Variants in CEP192 observed in about 807,000 individuals in gnomAD.
CEP192 encodes the protein centrosomal protein of 192 kDa.
In CEP192, 151 loss-of-function variants were observed where a neutral mutation model predicts 271.8. The observed-to-expected ratio is 0.56, with a 90% CI of 0.49 to 0.64. CEP192 has a LOEUF of 0.64. Among genes scored for constraint, CEP192 ranks in the 30% least tolerant of loss-of-function variants. The pLI is 0.00. For synonymous variants in CEP192, 995 were observed against 1,076.5 expected, an observed-to-expected ratio of 0.92 and a Z score of 1.48; for missense variants, 2,910 against 3,020.5, an observed-to-expected ratio of 0.96 and a Z score of 0.86.
In CEP192 at chr18:13,071,201, A is replaced by G. The variant is rs906445460; in HGVS notation, c.5337A>G (p.Leu1779=). Residue 1779 remains leucine (L), a synonymous_variant, in exon 28 of 45, where the codon CTA becomes CTG. Coordinates refer to ENST00000506447, the MANE Select transcript of CEP192 (RefSeq NM_032142.4). The stretch of plus-strand genomic sequence containing the variant: ...TTCTGGCTTGGGGAGGAGTCCCTCT[A>G]GGTAGAACACAGTAAGTGTCAAAGA... ...KQFLAWGGVP[L]GRTQLQKLAL... is the part of the protein sequence containing the mutation. 9.3e-6 allele frequency: 15 copies of G among 1,613,458 alleles called. No individual in the cohort carries two copies. In the African/African-American group the frequency reaches 1.5e-4, roughly 16 times the overall value.
intron 8 of CEP192, among the ~76,000 whole-genome samples, chr18:13,018,862 T>G (rs1198148719): frequency 1.3e-5 from 2 of 152,194 alleles, no homozygotes; most frequent in Non-Finnish European, 2.9e-5. Flanking sequence ...ATCCAGACAT[T>G]GATAATTAAA....
chr18:13,099,053 G>A (rs867338062), intron 36 of CEP192, among the ~76,000 whole-genome samples: 35 of 152,134 alleles, frequency 2.3e-4, no homozygotes, highest in Admixed American at 9.8e-4. Flanking sequence ...GGCAGCGCGC[G>A]CCTGCAATCG....
intron 1 of CEP192, among the ~76,000 whole-genome samples, chr18:12,993,974 C>T (rs1398347501): frequency 6.6e-6 from 1 of 152,072 alleles, no homozygotes; most frequent in Non-Finnish European, 1.5e-5. Context: ...TAGACATTTC[C>T]CCAAGAAGCT....
chr18:13,109,158 G>A (rs539092669), intron 40 of CEP192, among the ~76,000 whole-genome samples: 15 of 152,270 alleles, frequency 9.9e-5, no homozygotes, highest in South Asian at 2.1e-4. Context: ...GTTGATCACC[G>A]GTGGATTGGA....
chr18:13,096,580 A>C (rs2039411180), intron 36 of CEP192, among the ~76,000 whole-genome samples: 1 of 152,162 alleles, frequency 6.6e-6, no homozygotes, highest in Admixed American at 6.5e-5. Flanking sequence ...CTGGTATGGA[A>C]GACTTCAGAG....
Position 13,092,546 on chromosome 18 carries a change from A to C in CEP192, c.6254+19A>C, listed in dbSNP as rs1242316132. On this transcript the variant is annotated intron_variant, in intron 34 of 44. Coordinates refer to ENST00000506447, the MANE Select transcript of CEP192 (RefSeq NM_032142.4). ...CTACAAGGTAAAATAAATGAACAGA[A>C]ATCTTTCACCAGATTTCAGGATGAT... 1 of 1,566,106 alleles carries C rather than the reference A, an allele frequency of 6.4e-7. No individual in the cohort carries two copies. The highest frequency in any genetic ancestry group is 1.2e-5 in the South Asian group (1 of 83,510).
At chr18:13,065,022 TTTAA>T (rs2037617458) in intron 21 of CEP192, among the ~76,000 whole-genome samples, 1 of 152,174 alleles carries the variant, frequency 6.6e-6, no homozygotes, top group Admixed American at 6.5e-5. Context: ...TTCCTGGGTA[TTTAA>T]TTCTATGTGT....
chr18:13,039,455 CAA>C (rs61448797), intron 13 of CEP192, among the ~76,000 whole-genome samples: 5,048 of 134,072 alleles, frequency 0.038, 124 homozygotes, highest in African/African-American at 0.067. Flanking sequence ...GACTCCATCT[CAA>C]AAAAAAAAAA....
At position 13,090,686 on chromosome 18, in the gene CEP192, G is replaced by A. The variant is rs140211082; in HGVS notation, c.6103+1121G>A. On this transcript the variant is annotated intron_variant, in intron 33 of 44. Coordinates refer to ENST00000506447, the MANE Select transcript of CEP192 (RefSeq NM_032142.4). Reference sequence around the variant, plus strand: ...AAGACTTCAAATGGACTTGTCAGGAGTGTGCTAAGGGACCAGAGCAAAGGA... The same window carrying A: ...AAGACTTCAAATGGACTTGTCAGGAATGTGCTAAGGGACCAGAGCAAAGGA... Among the ~76,000 whole-genome samples, 26 of 152,270 alleles carry A rather than the reference G, an allele frequency of 1.7e-4. No individual in the cohort carries two copies. In the East Asian group the frequency reaches 1.7e-3, roughly 10 times the overall value.
intron 15 of CEP192, among the ~76,000 whole-genome samples, chr18:13,043,044 T>C (rs148364513): frequency 6.6e-6 from 1 of 152,362 alleles, no homozygotes; most frequent in East Asian, 1.9e-4. Context: ...GTGCTTCCTG[T>C]CACCGCATGT....
At chr18:13,108,969 A>G (rs1444204375) in intron 40 of CEP192, among the ~76,000 whole-genome samples, 5 of 152,230 alleles carry the variant, frequency 3.3e-5, no homozygotes, top group African/African-American at 1.2e-4. Context: ...AAATTAGTTC[A>G]GCCACCATGG....
chr18:13,033,294 GAAAT>G (rs1220022914), intron 11 of CEP192, among the ~76,000 whole-genome samples: 1 of 152,020 alleles, frequency 6.6e-6, no homozygotes, highest in East Asian at 1.9e-4. Flanking sequence ...TATAGAAAAA[GAAAT>G]AAAAACGATC....
At chr18:13,062,602 T>C (rs2037469101) in intron 21 of CEP192, among the ~76,000 whole-genome samples, 1 of 151,996 alleles carries the variant, frequency 6.6e-6, no homozygotes, top group Non-Finnish European at 1.5e-5. Flanking sequence ...TTTAAAAAAT[T>C]TTTTGTGGGT....
chr18:13,065,208 A>G (rs2144320651), intron 21 of CEP192, among the ~76,000 whole-genome samples: 1 of 152,028 alleles, frequency 6.6e-6, no homozygotes, highest in Admixed American at 6.5e-5. Flanking sequence ...ACTTACTTTA[A>G]TAACAATACA....
Position 13,096,317 on chromosome 18 carries a change from A to G in CEP192, c.6557+10A>G. On this transcript the variant is annotated intron_variant, in intron 36 of 44. Transcript: ENST00000506447. ...GATGTGTCGCGCCAGAGTAAGTCTG[A>G]CTTCTGTGTTGCTCTGCGTGTTACT... 1 of 1,610,352 alleles carries G rather than the reference A, an allele frequency of 6.2e-7. No homozygotes were observed. Among genetic ancestry groups the G allele is most frequent in the Non-Finnish European group, 8.5e-7 (1 of 1,177,620 alleles).
At chr18:13,041,706 G>A (rs961787286) in intron 14 of CEP192, among the ~76,000 whole-genome samples, 7 of 151,152 alleles carry the variant, frequency 4.6e-5, no homozygotes, top group Admixed American at 4.6e-4. Context: ...CTGGAATCAC[G>A]GGCTCACGCC....
At position 13,053,008 on chromosome 18, in the gene CEP192, G is replaced by C; in HGVS notation, c.3107G>C (p.Gly1036Ala). The C allele has an allele frequency of 1.2e-6, 2 of 1,613,870 alleles. No individual in the cohort carries two copies. The highest frequency in any genetic ancestry group is 8.5e-7 in the Non-Finnish European group (1 of 1,179,798). The change falls in exon 18 of 45, where the codon GGG becomes GCG. Residue 1036 changes from glycine (G) to alanine (A), a missense_variant. Gly to Ala is a moderately conservative substitution (Grantham distance 60). Transcript: ENST00000506447. ...ELSPLVCSPA[G>A]VSRLTYVSEP... is the part of the protein sequence containing the mutation. ...TCTCCCTTGGTGTGCTCGCCTGCTG[G>C]GGTGAGCAGGCTGACGTATGTGTCT...
At position 13,000,791 on chromosome 18, in the gene CEP192, A is replaced by T. The variant is rs571734157; in HGVS notation, c.165-666A>T. Among the ~76,000 whole-genome samples, 7 of 152,330 alleles carry T rather than the reference A, an allele frequency of 4.6e-5. No individual in the cohort carries two copies. In the East Asian group the frequency reaches 1.4e-3, roughly 29 times the overall value. On this transcript the variant is annotated intron_variant, in intron 2 of 44. Transcript: ENST00000506447. ...CCAACATGGCAAAACCCTGTTTACT[A>T]AAAATACAAACATTAGCCAGGCGTG...
intron 3 of CEP192, among the ~76,000 whole-genome samples, chr18:13,007,418 C>G (rs1284678154): frequency 6.6e-6 from 1 of 152,112 alleles, no homozygotes; most frequent in Non-Finnish European, 1.5e-5. Context: ...CTGTCCCTGT[C>G]ACTCTAAAGT....
Sources: allele counts gnomAD v4.1 joint callset (sites outside exome capture counted in the v4.1 genomes callset), GRCh38; gene constraint gnomAD v4.1.1; transcripts MANE v1.5; gene names NCBI Gene and HGNC (gene_info 2026-07-23, HGNC 2026-07-21).